The following LMX1A variants were observed in gnomAD, a reference collection of about 807,000 sequenced individuals.
LMX1A encodes the protein LIM homeobox transcription factor 1 alpha.
Under a neutral mutation model 49.1 loss-of-function variants are expected in LMX1A, and 15 were observed. The observed-to-expected ratio is 0.31, with a 90% CI of 0.20 to 0.47. The LOEUF (loss-of-function observed/expected upper bound fraction) is 0.47. Ranked by LOEUF, LMX1A falls within the 20% of genes least tolerant of loss-of-function variation. The probability of loss-of-function intolerance (pLI) is 1.00; values close to 1 mark genes in which losing one functional copy is unlikely to be tolerated. For synonymous variants in LMX1A, 167 were observed against 185.7 expected (o/e 0.90, Z 0.82); for missense variants, 372 against 475.8 (o/e 0.78, Z 2.03).
intron 3 of LMX1A, among the ~76,000 whole-genome samples, chr1:165,345,416 G>A (rs1169119417): frequency 1.3e-5 from 2 of 152,220 alleles, no homozygotes; most frequent in African/African-American, 4.8e-5. Flanking sequence ...AGTTGAAAAT[G>A]AGTGATGTGT....
intron 3 of LMX1A, among the ~76,000 whole-genome samples, chr1:165,327,314 T>A (rs1655617717): frequency 6.6e-6 from 1 of 152,152 alleles, no homozygotes. Flanking sequence ...TAACTCTACC[T>A]TTGCAATACA....
chr1:165,297,393 T>C (rs10753672), intron 3 of LMX1A, among the ~76,000 whole-genome samples: 88,404 of 152,048 alleles, frequency 0.58, 26,087 homozygotes, highest in Middle Eastern at 0.72. Context: ...GGAAGGAATA[T>C]TGTATCCTTT....
intron 3 of LMX1A, among the ~76,000 whole-genome samples, chr1:165,292,712 A>G: frequency 6.7e-6 from 1 of 149,748 alleles, no homozygotes; most frequent in South Asian, 2.1e-4. Flanking sequence ...AGAGAAGAAC[A>G]GGACCCAGGG....
At chr1:165,249,134 G>A (rs940782868) in intron 4 of LMX1A, among the ~76,000 whole-genome samples, 1 of 152,148 alleles carries the variant, frequency 6.6e-6, no homozygotes, top group Non-Finnish European at 1.5e-5. Context: ...GTTAACTCCA[G>A]TTAACCCGGA....
rs994117 is a variant in LMX1A, at chr1:165,350,911, G to A, written c.263+2165C>T. Among the ~76,000 whole-genome samples the A allele has an allele frequency of 5.0e-3, 756 of 152,286 alleles. 12 individuals carry two copies. The highest frequency in any genetic ancestry group is 0.012 in the Admixed American group (177 of 15,294). On this transcript the variant is annotated intron_variant, in intron 3 of 8. Transcript: ENST00000342310. ...TCACATCCCTCTGTAAAATCTTCTT[G>A]GTTCTGGCTAACAGCTGGCAAGTTG...
At chr1:165,344,801 G>GAAACTGCA (rs1332184636) in intron 3 of LMX1A, among the ~76,000 whole-genome samples, 2 of 152,192 alleles carry the variant, frequency 1.3e-5, no homozygotes, top group African/African-American at 2.4e-5. Context: ...CCAAGCTTGT[G>GAAACTGCA]AAACTGCAAA....
At chr1:165,327,958 G>A (rs1655634963) in intron 3 of LMX1A, among the ~76,000 whole-genome samples, 1 of 152,228 alleles carries the variant, frequency 6.6e-6, no homozygotes, top group Non-Finnish European at 1.5e-5. Context: ...AGTCCAGGAA[G>A]GAACTTTAAT....
intron 4 of LMX1A, among the ~76,000 whole-genome samples, chr1:165,224,858 G>A (rs555578000): frequency 1.3e-5 from 2 of 152,194 alleles, no homozygotes; most frequent in Non-Finnish European, 2.9e-5. Context: ...CACCTGGGAT[G>A]AAATTTATTT....
intron 3 of LMX1A, among the ~76,000 whole-genome samples, chr1:165,327,903 A>G (rs1174150975): frequency 2.6e-5 from 4 of 152,240 alleles, no homozygotes; most frequent in Admixed American, 1.3e-4. Context: ...ATTCTCAAAG[A>G]TGGGGAGAGG....
chr1:165,272,779 C>T (rs867244152), intron 3 of LMX1A, among the ~76,000 whole-genome samples: 7 of 152,032 alleles, frequency 4.6e-5, no homozygotes, highest in African/African-American at 9.7e-5. Context: ...TGTCTATGAG[C>T]GATAGTTATT....
chr1:165,338,982 C>T (rs1042658604), intron 3 of LMX1A, among the ~76,000 whole-genome samples: 7 of 152,196 alleles, frequency 4.6e-5, no homozygotes, highest in Admixed American at 3.9e-4. Flanking sequence ...TCCACCATTG[C>T]ACACATCAGG....
chr1:165,229,123 G>A (rs1482638360), intron 4 of LMX1A, among the ~76,000 whole-genome samples: 1 of 151,602 alleles, frequency 6.6e-6, no homozygotes, highest in African/African-American at 2.4e-5. Context: ...GGACCACCAA[G>A]AAATGAAAAA....
intron 3 of LMX1A, among the ~76,000 whole-genome samples, chr1:165,305,918 C>T (rs1217233078): frequency 3.3e-5 from 5 of 152,196 alleles, no homozygotes; most frequent in African/African-American, 1.2e-4. Context: ...TCCTGACATT[C>T]TGCACACACC....
chr1:165,229,172 C>T (rs1652154222), intron 4 of LMX1A, among the ~76,000 whole-genome samples: 2 of 150,986 alleles, frequency 1.3e-5, no homozygotes, highest in Admixed American at 1.3e-4. Context: ...GCCTTCCCAC[C>T]ACATCAACTG....
intron 3 of LMX1A, among the ~76,000 whole-genome samples, chr1:165,258,870 A>G (rs902019229): frequency 2.6e-5 from 4 of 152,210 alleles, no homozygotes; most frequent in African/African-American, 9.6e-5. Flanking sequence ...CCTTGGTTCT[A>G]TCTTTAAGAA....
chr1:165,252,152 A>G (rs559524860), intron 3 of LMX1A, among the ~76,000 whole-genome samples: 1 of 152,220 alleles, frequency 6.6e-6, no homozygotes, highest in Non-Finnish European at 1.5e-5. Flanking sequence ...TCCTATTTCA[A>G]GAACAAGGCC....
At chr1:165,353,380 C>T in intron 2 of LMX1A, 118 bp from the exon 3 acceptor site, 2 of 759,538 alleles carry the variant, frequency 2.6e-6, no homozygotes, top group South Asian at 3.7e-5. Flanking sequence ...GCCCCCCACC[C>T]CAGGGAACTC....
rs748670907 is a variant in LMX1A at position 165,204,003 on chromosome 1, G to A, written c.1026C>T (p.Asp342=). Residue 342 remains aspartate, a synonymous_variant, in exon 9 of 9, where the codon GAC becomes GAT. Coordinates refer to ENST00000342310, the MANE Select transcript of LMX1A (RefSeq NM_177398.4). ...AATCACCCAGGTTACTGAGGGAGGT[G>A]TCGTCGCTATCCAGGTCATGGAAAA... ...EPLFHDLDSD[D]TSLSNLGDCF... is the part of the protein sequence containing the mutation. 70 of 1,614,024 alleles carry A rather than the reference G, an allele frequency of 4.3e-5. No individual in the cohort carries two copies. The East Asian group carries it at 1.4e-3, about 32-fold the overall frequency.
At chr1:165,212,440 C>T (rs1651446246) in intron 5 of LMX1A, among the ~76,000 whole-genome samples, 1 of 152,040 alleles carries the variant, frequency 6.6e-6, no homozygotes, top group Admixed American at 6.5e-5. Context: ...AACCTGCACC[C>T]AGCTGGGCCA....
Sources: allele counts gnomAD v4.1 joint callset (sites outside exome capture counted in the v4.1 genomes callset), GRCh38; gene constraint gnomAD v4.1.1; transcripts MANE v1.5; gene names NCBI Gene and HGNC (gene_info 2026-07-23, HGNC 2026-07-21).